STAU1: variants seen among roughly 807,000 people sequenced by gnomAD.
STAU1 encodes double-stranded RNA-binding protein Staufen homolog 1.
STAU1 carries 13 observed loss-of-function variants against 62.9 expected under a neutral mutation model. The ratio of observed to expected loss-of-function variants is 0.21; its 90% confidence interval spans 0.13 to 0.33. The LOEUF (loss-of-function observed/expected upper bound fraction) is 0.33. STAU1 is among the 10% of genes least tolerant of loss of function. The pLI is 1.00. For synonymous variants in STAU1, 269 were observed against 265.1 expected (o/e 1.01, Z -0.14); for missense variants, 571 against 712.1 (o/e 0.80, Z 2.25).
At chr20:49,120,160 C>T (rs2092431747) in intron 8 of STAU1, 32 bp from the exon 9 acceptor site, 1 of 1,583,836 alleles carries the variant, frequency 6.3e-7, no homozygotes. Flanking sequence ...CAGACCAGTG[C>T]TTAAACCTTC....
At chr20:49,169,254 G>A (rs2093567082) in intron 2 of STAU1, among the ~76,000 whole-genome samples, 1 of 152,128 alleles carries the variant, frequency 6.6e-6, no homozygotes, top group Non-Finnish European at 1.5e-5. Flanking sequence ...CTGGCCTGAT[G>A]CTAATGTTTT....
At chr20:49,147,713 G>A (rs551426339) in intron 5 of STAU1, among the ~76,000 whole-genome samples, 12 of 152,310 alleles carry the variant, frequency 7.9e-5, no homozygotes, top group African/African-American at 2.9e-4. Flanking sequence ...TCAAGTCCCT[G>A]TTGGAAAATA....
chr20:49,126,577 A>AAAAAAAAAAAAAAAAAAAAAAAAC (rs1555837188), intron 6 of STAU1, among the ~76,000 whole-genome samples: 31 of 35,022 alleles, frequency 8.9e-4, no homozygotes, highest in Non-Finnish European at 1.4e-3. Context: ...CAAAAAGCAA[A>AAAAAAAAAAAAAAAAAAAAAAAAC]AAAAAAAAAA....
chr20:49,139,208 A>G (rs2092955344), intron 5 of STAU1, among the ~76,000 whole-genome samples: 1 of 152,224 alleles, frequency 6.6e-6, no homozygotes, highest in Non-Finnish European at 1.5e-5. Flanking sequence ...TGAAAACCGC[A>G]GACAACAAAA....
intron 3 of STAU1, among the ~76,000 whole-genome samples, chr20:49,164,777 TAAGAA>T (rs1364449845): frequency 1.3e-5 from 2 of 152,054 alleles, no homozygotes; most frequent in African/African-American, 2.4e-5. Context: ...AAACGAGAGA[TAAGAA>T]AGGAAAGAAG....
intron 1 of STAU1, among the ~76,000 whole-genome samples, chr20:49,187,898 T>G (rs1462489689): frequency 6.7e-6 from 1 of 148,220 alleles, no homozygotes. Flanking sequence ...CTGGAGGGGA[T>G]GGGGGCGCCC....
chr20:49,202,150 G>A, the STAU1 span, among the ~76,000 whole-genome samples: 1 of 150,452 alleles, frequency 6.6e-6, no homozygotes, highest in Admixed American at 6.7e-5. Context: ...AACCCGGGAG[G>A]CGGAGCTTGC....
intron 7 of STAU1, among the ~76,000 whole-genome samples, chr20:49,123,904 A>G (rs1467125122): frequency 1.3e-5 from 2 of 152,218 alleles, no homozygotes; most frequent in East Asian, 1.9e-4. Flanking sequence ...GAAGGGGTCA[A>G]TATAATGCTT....
At position 49,115,820 on chromosome 20, in the gene STAU1, A is replaced by G; in HGVS notation, c.1680T>C (p.Ser560=). Residue 560 remains serine (S), a synonymous_variant, in exon 13 of 14, where the codon AGT becomes AGC. Transcript: ENST00000371856. The stretch of plus-strand genomic sequence containing the variant: ...CGTTTCCTGTTCTTGGCATCTCTGT[A>G]CTTTGTTGGTCCAACTCAGACAGCA... ...LKLLSELDQQ[S]TEMPRTGNGP... The G allele has an allele frequency of 1.2e-6, 2 of 1,614,006 alleles. No individual in the cohort carries two copies. Among genetic ancestry groups the G allele is most frequent in the Non-Finnish European group, 8.5e-7 (1 of 1,179,970 alleles).
chr20:49,158,831 G>A, intron 3 of STAU1: 1 of 756,064 alleles, frequency 1.3e-6, no homozygotes, highest in Non-Finnish European at 1.9e-6. Context: ...CGGGCGCGGT[G>A]GCTCATGCCT....
chr20:49,134,437 A>C, intron 6 of STAU1: 1 of 419,660 alleles, frequency 2.4e-6, no homozygotes, highest in Non-Finnish European at 4.4e-6. Flanking sequence ...TCTCAGGGAA[A>C]AAAAAAAAAA....
At chr20:49,195,528 T>G in the STAU1 span, among the ~76,000 whole-genome samples, 1 of 41,424 alleles carries the variant, frequency 2.4e-5, no homozygotes, top group Non-Finnish European at 4.4e-5. Flanking sequence ...AGAGCAAGAC[T>G]CCGTCTCAAA....
intron 4 of STAU1, among the ~76,000 whole-genome samples, 184 bp from the exon 5 acceptor site, chr20:49,151,931 C>A (rs921799552): frequency 1.3e-5 from 2 of 152,196 alleles, no homozygotes; most frequent in African/African-American, 2.4e-5. Context: ...AATTGCTACA[C>A]AGTATAAGCA....
intron 1 of STAU1, among the ~76,000 whole-genome samples, chr20:49,176,270 A>T (rs1410079927): frequency 6.6e-6 from 1 of 152,238 alleles, no homozygotes; most frequent in South Asian, 2.1e-4. Flanking sequence ...CATTGGGTAC[A>T]TAAATAGTGG....
At chr20:49,214,709 A>C in the STAU1 span, among the ~76,000 whole-genome samples, 7 of 152,098 alleles carry the variant, frequency 4.6e-5, no homozygotes, top group Admixed American at 3.3e-4. Context: ...TGAGGATTAA[A>C]TTAGATCATG....
chr20:49,214,699 T>A, the STAU1 span, among the ~76,000 whole-genome samples: 1 of 152,178 alleles, frequency 6.6e-6, no homozygotes, highest in Non-Finnish European at 1.5e-5. Flanking sequence ...CATAGAGTCA[T>A]GAGGATTAAA....
At chr20:49,167,652 C>T (rs994367406) in intron 2 of STAU1, among the ~76,000 whole-genome samples, 1 of 152,288 alleles carries the variant, frequency 6.6e-6, no homozygotes, top group Admixed American at 6.5e-5. Flanking sequence ...TGTCAAGAAA[C>T]AAGTCCAGAA....
At chr20:49,176,998 G>A (rs992604182) in intron 1 of STAU1, among the ~76,000 whole-genome samples, 8 of 149,274 alleles carry the variant, frequency 5.4e-5, no homozygotes, top group Middle Eastern at 3.5e-3. Flanking sequence ...TGCAACCTCC[G>A]CCTCCCGGGT....
In STAU1 at chr20:49,176,727, C is replaced by A. The variant is rs981231948; in HGVS notation, c.-159-2458G>T. On this transcript the variant is annotated intron_variant, in intron 1 of 13. Coordinates refer to ENST00000371856, the MANE Select transcript of STAU1 (RefSeq NM_017453.4). ...ATTCAAAGACTGGCATGAATGGGAA[C>A]TGAAAAAGGCCTCTGAGCAGCCCAA... is the stretch of plus-strand genomic sequence containing the variant. Among the ~76,000 whole-genome samples the A allele has an allele frequency of 5.3e-5, 8 of 152,216 alleles. No individual in the cohort carries two copies. The East Asian group carries it at 1.5e-3, about 29-fold the overall frequency.
Sources: allele counts gnomAD v4.1 joint callset (sites outside exome capture counted in the v4.1 genomes callset), GRCh38; gene constraint gnomAD v4.1.1; transcripts MANE v1.5; gene names NCBI Gene and HGNC (gene_info 2026-07-23, HGNC 2026-07-21).